The following ST6GALNAC5 variants were observed in gnomAD, a reference collection of about 807,000 sequenced individuals.
The protein encoded by ST6GALNAC5 is ST6 N-acetylgalactosaminide alpha-2,6-sialyltransferase 5.
ST6GALNAC5 carries 27 observed loss-of-function variants against 33.6 expected under a neutral mutation model. The observed-to-expected ratio is 0.80, with a 90% CI of 0.59 to 1.11. The LOEUF (loss-of-function observed/expected upper bound fraction) is 1.11, where lower values mean the gene tolerates loss of function less well. ST6GALNAC5 is among the 50% of genes least tolerant of loss of function. The pLI is 0.00. For synonymous variants in ST6GALNAC5, 194 were observed against 171.2 expected (o/e 1.13, Z -1.04); for missense variants, 428 against 454.0 (o/e 0.94, Z 0.52).
chr1:77,013,217 C>T (rs1650705612), intron 2 of ST6GALNAC5, among the ~76,000 whole-genome samples: 1 of 148,188 alleles, frequency 6.7e-6, no homozygotes, highest in African/African-American at 2.5e-5. Flanking sequence ...CCTCAAGAAT[C>T]CCAAGCCAGG....
intron 2 of ST6GALNAC5, among the ~76,000 whole-genome samples, chr1:76,957,887 A>G (rs968731928): frequency 6.6e-6 from 1 of 152,000 alleles, no homozygotes; most frequent in African/African-American, 2.4e-5. Context: ...CAAACATTGC[A>G]CTTATTTATT....
Position 76,867,666 on chromosome 1 carries a change from G to A in ST6GALNAC5, c.-10G>A. On this transcript the variant is annotated 5_prime_UTR_variant, in exon 1 of 5. Transcript: ENST00000477717. The stretch of plus-strand genomic sequence containing the variant: ...GAGCCTGAGGATTCTGCACAAAAGA[G>A]GTGCCCAAAATGAAGACCCTGATGG... 6.2e-7 allele frequency: 1 copy of A among 1,614,130 alleles called. No individual in the cohort carries two copies. The highest frequency in any genetic ancestry group is 8.5e-7 in the Non-Finnish European group (1 of 1,180,020).
intron 2 of ST6GALNAC5, among the ~76,000 whole-genome samples, chr1:76,950,473 A>G (rs895440296): frequency 6.6e-6 from 1 of 152,054 alleles, no homozygotes; most frequent in Non-Finnish European, 1.5e-5. Flanking sequence ...CATTGAAGCA[A>G]TTTTTTAAGT....
chr1:77,012,176 C>T (rs1213445410), intron 2 of ST6GALNAC5, among the ~76,000 whole-genome samples: 1 of 152,130 alleles, frequency 6.6e-6, no homozygotes, highest in Non-Finnish European at 1.5e-5. Flanking sequence ...TATAAGAAGT[C>T]TGTGGGAAGG....
At position 77,063,305 on chromosome 1, in the gene ST6GALNAC5, C is replaced by T; in HGVS notation, c.*99C>T. ...CCAGACAGGAAAGGGTAGCAGAAAA[C>T]AGCTTCACTCCTCAGGAAGTACCAT... On this transcript the variant is annotated 3_prime_UTR_variant, in exon 5 of 5. Transcript: ENST00000477717. 2 of 1,039,948 alleles carry T rather than the reference C, an allele frequency of 1.9e-6. No individual in the cohort carries two copies. Among genetic ancestry groups the T allele is most frequent in the Non-Finnish European group, 2.9e-6 (2 of 697,890 alleles). The allele number at this position is 1,039,948 out of a possible 1,614,324, so 64.4% of individuals were successfully genotyped here.
At chr1:77,003,567 A>G (rs1650262318) in intron 2 of ST6GALNAC5, among the ~76,000 whole-genome samples, 3 of 150,256 alleles carry the variant, frequency 2.0e-5, no homozygotes, top group South Asian at 4.3e-4. Context: ...TCATTAGTTG[A>G]TGCAGTTTCT....
At chr1:76,903,881 A>G (rs995921910) in intron 2 of ST6GALNAC5, among the ~76,000 whole-genome samples, 1 of 152,136 alleles carries the variant, frequency 6.6e-6, no homozygotes, top group African/African-American at 2.4e-5. Context: ...ATACAAACAG[A>G]AAGTAGATTA....
At chr1:77,016,206 C>T (rs1337479607) in intron 2 of ST6GALNAC5, among the ~76,000 whole-genome samples, 4 of 91,260 alleles carry the variant, frequency 4.4e-5, no homozygotes, top group Non-Finnish European at 6.7e-5. Context: ...ATCTCCTCCC[C>T]CTCCTCCTCC....
chr1:76,997,276 C>T (rs1396871408), intron 2 of ST6GALNAC5, among the ~76,000 whole-genome samples: 1 of 152,050 alleles, frequency 6.6e-6, no homozygotes, highest in Non-Finnish European at 1.5e-5. Context: ...TTCGTAGTTA[C>T]AAGACAGGGT....
intron 2 of ST6GALNAC5, among the ~76,000 whole-genome samples, chr1:77,025,271 G>A (rs920891859): frequency 2.6e-5 from 4 of 152,170 alleles, no homozygotes; most frequent in Non-Finnish European, 4.4e-5. Context: ...GTGTGCTCAC[G>A]CTTGTAATTC....
At position 76,868,768 on chromosome 1, in the gene ST6GALNAC5, C is replaced by T. The variant is rs866918767; in HGVS notation, c.261+26C>T. On this transcript the variant is annotated intron_variant, in intron 2 of 4. Coordinates refer to ENST00000477717, the MANE Select transcript of ST6GALNAC5 (RefSeq NM_030965.3). The surrounding 1 kb of genome is among the most constrained non-coding windows in gnomAD (Gnocchi z 4.3). ...GTGACAGCATGCCCGCCAGCCCGCT[C>T]GCCACTCAGCCTGGGGATCCCGCAC... 4.8e-6 allele frequency: 7 copies of T among 1,468,028 alleles called. No individual in the cohort carries two copies. Among genetic ancestry groups the T allele is most frequent in the Middle Eastern group, 1.8e-4 (1 of 5,666 alleles). The allele number at this position is 1,468,028 out of a possible 1,614,324, so 90.9% of individuals were successfully genotyped here.
Position 77,067,081 on chromosome 1 carries a change from C to G in ST6GALNAC5, c.*3875C>G, listed in dbSNP as rs1652802862. On this transcript the variant is annotated 3_prime_UTR_variant, in exon 5 of 5. Transcript: ENST00000477717. ...AAGACACAGACTTCAGTGCTAAAACCAGGGAAGTCCTGGGCTCCATGACAG... is the reference window on the plus strand; with the variant it reads ...AAGACACAGACTTCAGTGCTAAAACGAGGGAAGTCCTGGGCTCCATGACAG... Among the ~76,000 whole-genome samples the G allele has an allele frequency of 6.6e-6, 1 of 152,144 alleles. No homozygotes were observed.
intron 2 of ST6GALNAC5, among the ~76,000 whole-genome samples, chr1:76,984,065 A>G (rs1413645971): frequency 1.3e-5 from 2 of 152,264 alleles, no homozygotes; most frequent in African/African-American, 2.4e-5. Flanking sequence ...AGCAGGAAAG[A>G]TCTAAAATTG....
intron 2 of ST6GALNAC5, among the ~76,000 whole-genome samples, chr1:77,028,909 T>G (rs1651347032): frequency 6.6e-6 from 1 of 152,178 alleles, no homozygotes; most frequent in Non-Finnish European, 1.5e-5. Context: ...CCTGGAATGT[T>G]GGGTTGGCTG....
chr1:76,898,169 C>T (rs560085262), intron 2 of ST6GALNAC5, among the ~76,000 whole-genome samples: 39 of 152,258 alleles, frequency 2.6e-4, no homozygotes, highest in East Asian at 7.7e-4. Context: ...AGATGGGATA[C>T]GGCTTAGGAG....
At chr1:76,902,226 G>A (rs922477788) in intron 2 of ST6GALNAC5, among the ~76,000 whole-genome samples, 1 of 151,974 alleles carries the variant, frequency 6.6e-6, no homozygotes, top group Non-Finnish European at 1.5e-5. Flanking sequence ...TTATATACTT[G>A]AAATAAATGA....
chr1:76,957,929 A>T (rs188252307), intron 2 of ST6GALNAC5, among the ~76,000 whole-genome samples: 3 of 152,268 alleles, frequency 2.0e-5, no homozygotes, highest in Admixed American at 2.0e-4. Flanking sequence ...AGCTAGAAGG[A>T]TACCTCGCTT....
At chr1:76,917,446 C>T (rs1402883850) in intron 2 of ST6GALNAC5, among the ~76,000 whole-genome samples, 1 of 151,990 alleles carries the variant, frequency 6.6e-6, no homozygotes, top group Admixed American at 6.6e-5. Flanking sequence ...ACTAATAAAT[C>T]TGTACACTGT....
intron 2 of ST6GALNAC5, among the ~76,000 whole-genome samples, chr1:76,909,491 T>C (rs80082827): frequency 6.0e-4 from 92 of 152,196 alleles, no homozygotes; most frequent in African/African-American, 2.1e-3. Flanking sequence ...AGGATGGGGA[T>C]AAATCTAAGT....
Sources: gnomAD v4.1 joint callset for allele counts (sites outside exome capture counted in the v4.1 genomes callset) on GRCh38, gnomAD v4.1.1 for gene constraint, Gnocchi (gnomAD v3.1) non-coding constraint, MANE v1.5 for transcripts, NCBI Gene and HGNC (gene_info 2026-07-23, HGNC 2026-07-21) for gene names.